Variants in VTI1A observed in about 807,000 individuals in gnomAD.
The protein encoded by VTI1A is vesicle transport through interaction with t-SNAREs homolog 1A.
Under a neutral mutation model 34.9 loss-of-function variants are expected in VTI1A, and 22 were observed. The observed-to-expected ratio is 0.63, with a 90% CI of 0.45 to 0.90. VTI1A has a LOEUF of 0.90. VTI1A is among the 40% of genes least tolerant of loss of function. The pLI is 0.00. For synonymous variants in VTI1A, 87 were observed against 97.3 expected (o/e 0.89, Z 0.62); for missense variants, 268 against 275.6 (o/e 0.97, Z 0.20).
At chr10:112,725,052 A>G (rs1315405658) in intron 7 of VTI1A, among the ~76,000 whole-genome samples, 1 of 152,240 alleles carries the variant, frequency 6.6e-6, no homozygotes, top group African/African-American at 2.4e-5. Flanking sequence ...CGTAATCACT[A>G]TTTAGAAATG....
intron 3 of VTI1A, among the ~76,000 whole-genome samples, chr10:112,496,781 C>T (rs1849040775): frequency 6.6e-6 from 1 of 152,138 alleles, no homozygotes; most frequent in South Asian, 2.1e-4. Flanking sequence ...CAGCTAAGAA[C>T]ACAAGTTTAC....
At chr10:112,486,829 T>G (rs757931025) in intron 3 of VTI1A, among the ~76,000 whole-genome samples, 1 of 152,072 alleles carries the variant, frequency 6.6e-6, no homozygotes, top group Non-Finnish European at 1.5e-5. Flanking sequence ...TTTTTTTTCC[T>G]TGACTTTATG....
chr10:112,505,416 A>G (rs980215123), intron 3 of VTI1A, among the ~76,000 whole-genome samples: 2 of 152,156 alleles, frequency 1.3e-5, no homozygotes, highest in African/African-American at 4.8e-5. Context: ...ATACAATTAT[A>G]TCATCTGTAA....
chr10:112,506,451 T>G (rs1442434079), intron 3 of VTI1A, among the ~76,000 whole-genome samples: 2 of 152,134 alleles, frequency 1.3e-5, no homozygotes, highest in Admixed American at 1.3e-4. Context: ...CTATGCCATT[T>G]TGTGTTATTT....
chr10:112,573,788 C>G (rs1852227043), intron 5 of VTI1A, among the ~76,000 whole-genome samples: 1 of 152,198 alleles, frequency 6.6e-6, no homozygotes, highest in Admixed American at 6.5e-5. Context: ...GCAAAGCTGT[C>G]TTATTGCCTG....
intron 7 of VTI1A, among the ~76,000 whole-genome samples, chr10:112,810,229 C>T (rs1853235716): frequency 6.6e-6 from 1 of 151,706 alleles, no homozygotes; most frequent in Admixed American, 6.6e-5. Context: ...ACGGTGAAAC[C>T]CCATCTCTAC....
At chr10:112,813,397 G>A (rs1853388131) in intron 7 of VTI1A, among the ~76,000 whole-genome samples, 1 of 152,206 alleles carries the variant, frequency 6.6e-6, no homozygotes, top group Non-Finnish European at 1.5e-5. Context: ...ACTTAAGGCA[G>A]AATTTTAAAG....
intron 5 of VTI1A, among the ~76,000 whole-genome samples, chr10:112,632,456 G>T (rs1476638414): frequency 1.3e-5 from 2 of 152,180 alleles, no homozygotes; most frequent in Non-Finnish European, 2.9e-5. Flanking sequence ...AAATTCTGGT[G>T]GTTTAACACA....
chr10:112,455,127 C>A (rs1401775252), intron 1 of VTI1A, among the ~76,000 whole-genome samples: 1 of 143,072 alleles, frequency 7.0e-6, no homozygotes, highest in African/African-American at 2.6e-5. Context: ...GTAGGTATTT[C>A]CAAGGTCATC....
chr10:112,826,154 T>A, the VTI1A span: 1 of 152,214 alleles, frequency 6.6e-6, no homozygotes, highest in African/African-American at 2.4e-5. Flanking sequence ...TTTAGTTGTC[T>A]ATCAGTAAAC....
At chr10:112,659,956 G>C (rs10787457) in intron 5 of VTI1A, among the ~76,000 whole-genome samples, 33,049 of 152,152 alleles carry the variant, frequency 0.22, 4,923 homozygotes, top group East Asian at 0.58. Flanking sequence ...AATATGATCT[G>C]CTTAAAAGCA....
At chr10:112,724,533 C>T (rs778314382) in intron 7 of VTI1A, among the ~76,000 whole-genome samples, 3 of 152,000 alleles carry the variant, frequency 2.0e-5, no homozygotes, top group Admixed American at 6.5e-5. Flanking sequence ...CCTGACCTCT[C>T]TTGGGGATTA....
intron 3 of VTI1A, among the ~76,000 whole-genome samples, chr10:112,518,589 C>CTCTCTATA (rs1475485810): frequency 1.1e-5 from 1 of 94,336 alleles, no homozygotes; most frequent in Non-Finnish European, 2.1e-5. Flanking sequence ...CTCTCTCTCT[C>CTCTCTATA]TATATATATA....
At chr10:112,819,597 C>T (rs1853614312), downstream of VTI1A, among the ~76,000 whole-genome samples, 2 of 152,178 alleles carry the variant, frequency 1.3e-5, no homozygotes, top group Non-Finnish European at 2.9e-5. Context: ...ACAAACAGCG[C>T]TTCCCTAATA....
intron 7 of VTI1A, among the ~76,000 whole-genome samples, chr10:112,703,410 A>C (rs1198103247): frequency 6.6e-6 from 1 of 152,120 alleles, no homozygotes; most frequent in African/African-American, 2.4e-5. Context: ...TCTACTAAAA[A>C]TACAAAATTA....
intron 7 of VTI1A, among the ~76,000 whole-genome samples, chr10:112,675,323 A>T (rs1310956837): frequency 6.6e-6 from 1 of 152,228 alleles, no homozygotes; most frequent in Admixed American, 6.5e-5. Flanking sequence ...ATCAGGGTCT[A>T]CATAAGTCAT....
intron 3 of VTI1A, among the ~76,000 whole-genome samples, chr10:112,479,592 A>C (rs1848398018): frequency 1.3e-5 from 2 of 152,220 alleles, no homozygotes; most frequent in Non-Finnish European, 1.5e-5. Flanking sequence ...TGAGAGCTGC[A>C]CCAAGAGATT....
chr10:112,635,035 C>T (rs1022907), intron 5 of VTI1A, among the ~76,000 whole-genome samples: 45,601 of 152,070 alleles, frequency 0.3, 7,095 homozygotes, highest in East Asian at 0.35. Flanking sequence ...GAGTCTCCTA[C>T]GGACATTTGC....
At position 112,759,509 on chromosome 10, in the gene VTI1A, C is replaced by T. The variant is rs112375911; in HGVS notation, c.561-55781C>T. Among the ~76,000 whole-genome samples, 886 of 152,230 alleles carry T rather than the reference C, an allele frequency of 5.8e-3. 10 individuals are homozygous for T. Among genetic ancestry groups the T allele is most frequent in the African/African-American group, 0.021 (852 of 41,522 alleles). On this transcript the variant is annotated intron_variant, in intron 7 of 7. Coordinates refer to ENST00000393077, the MANE Select transcript of VTI1A (RefSeq NM_145206.4). ...ACATGCCTACCGAACCAACGTTTAG[C>T]GACACTGCGTTAGAAAGTATTTTTG...
Sources: gnomAD v4.1 joint callset for allele counts (sites outside exome capture counted in the v4.1 genomes callset) on GRCh38, gnomAD v4.1.1 for gene constraint, MANE v1.5 for transcripts, NCBI Gene and HGNC (gene_info 2026-07-23, HGNC 2026-07-21) for gene names.